MUC22: variants seen among roughly 807,000 people sequenced by gnomAD.
MUC22 encodes the protein mucin 22.
A neutral mutation model predicts 40.3 loss-of-function variants in MUC22; 24 were observed. The ratio of observed to expected loss-of-function variants is 0.60; its 90% CI spans 0.43 to 0.84. MUC22 has a LOEUF of 0.84. Ranked by LOEUF, MUC22 falls within the 40% of genes least tolerant of loss-of-function variation. The pLI, the probability that MUC22 is intolerant of heterozygous loss-of-function variation, is 0.00. For synonymous variants in MUC22, 765 were observed against 844.5 expected (o/e 0.91, Z 1.63); for missense variants, 1,926 against 2,130.7 (o/e 0.90, Z 1.89).
At chr6:31,015,733 G>T (rs937359707) in intron 1 of MUC22, among the ~76,000 whole-genome samples, 8 of 152,160 alleles carry the variant, frequency 5.3e-5, no homozygotes, top group African/African-American at 1.7e-4. Flanking sequence ...TTTTATTCTG[G>T]AGGATTTCAG....
chr6:31,007,501 C>CT (rs9281097), upstream of MUC22, among the ~76,000 whole-genome samples: 22,477 of 152,100 alleles, frequency 0.15, 1,740 homozygotes, highest in Admixed American at 0.2. This position sits in a 1 kb window ranked among gnomAD's most constrained non-coding sequence, Gnocchi z 4.0. Flanking sequence ...GAAAATAACT[C>CT]TACTTGAATT....
intron 1 of MUC22, among the ~76,000 whole-genome samples, chr6:31,019,500 C>A (rs916041013): frequency 6.6e-6 from 1 of 152,198 alleles, no homozygotes; most frequent in African/African-American, 2.4e-5. Context: ...TGAGGCAGAG[C>A]AAAGCAGATA....
chr6:31,024,083 C>T (rs1765081976), intron 1 of MUC22, among the ~76,000 whole-genome samples: 1 of 152,086 alleles, frequency 6.6e-6, no homozygotes, highest in Admixed American at 6.5e-5. Flanking sequence ...TGAAACATTA[C>T]AAAAACTCAG....
rs3084519 is a variant in MUC22, at chr6:31,020,441, C to CTTTTTTTTTTTT, written c.71-5053_71-5042dup. Among the ~76,000 whole-genome samples, 15 of 126,700 alleles carry CTTTTTTTTTTTT rather than the reference C, an allele frequency of 1.2e-4. No homozygotes were observed. In the East Asian group the frequency reaches 1.5e-3, roughly 13 times the overall value. 83.1% of individuals were successfully genotyped at this position (126,700 alleles called of 152,430 possible). A position where few individuals can be genotyped will look rare whatever the true frequency, so the allele number is the denominator to read the frequency against. ...GAAGACCTTGCCTCCTGGAAATTGA[C>CTTTTTTTTTTTT]TTTTTTTTTTTTTTTTTTTGATACG... On this transcript the variant is annotated intron_variant, in intron 1 of 3. Coordinates refer to ENST00000561890, the Ensembl canonical transcript of MUC22.
At chr6:31,010,368 G>A (rs1763781792), upstream of MUC22, 2 of 270,746 alleles carry the variant, frequency 7.4e-6, no homozygotes, top group Non-Finnish European at 7.1e-6. Flanking sequence ...AAACGGCCCT[G>A]CAGAAAGCAC....
At position 31,026,009 on chromosome 6, in the gene MUC22, C is replaced by T. The variant is rs1045641498; in HGVS notation, c.578C>T (p.Ser193Phe). The T allele has an allele frequency of 5.9e-6, 9 of 1,530,900 alleles. No homozygotes were observed. The African/African-American group carries it at 9.6e-5, about 16-fold the overall frequency. 94.8% of individuals were successfully genotyped at this position (1,530,900 alleles called of 1,614,324 possible). The change falls in exon 2 of 4, where the codon TCT becomes TTT. Residue 193 changes from serine to phenylalanine, a missense_variant. Ser to Phe is a radical substitution (Grantham distance 155). This residue lies in a region of MUC22 where 1,281 missense variants were observed against 1,337.8 expected (regional missense o/e 0.96). Coordinates refer to ENST00000561890, the Ensembl canonical transcript of MUC22. Reference sequence around the variant, plus strand: ...ACTGCCACAGTCTCTACCACAGGCTCTGAGACCACCACCACCTCCACTGCA... The same window carrying T: ...ACTGCCACAGTCTCTACCACAGGCTTTGAGACCACCACCACCTCCACTGCA...
exon 2 of MUC22, chr6:31,026,036 G>A (rs62399429): frequency 0.15 from 226,775 of 1,533,044 alleles, 18,141 homozygotes; most frequent in Admixed American, 0.17. Context: ...TCCACTGCAA[G>A]CTCTGAGGCC....
At chr6:31,010,885 T>C in intron 1 of MUC22, 109 bp downstream of exon 1, 1 of 595,278 alleles carries the variant, frequency 1.7e-6, no homozygotes, top group Non-Finnish European at 2.9e-6. Context: ...GAAACAATGA[T>C]GATTCATTTT....
At chr6:31,029,773 G>A (rs532123381) in exon 2 of MUC22, 1 of 1,534,594 alleles carries the variant, frequency 6.5e-7, no homozygotes, top group Middle Eastern at 1.7e-4. Flanking sequence ...GACCACCACA[G>A]CCTCCACTGC....
exon 2 of MUC22, chr6:31,025,747 G>A: frequency 6.5e-7 from 1 of 1,528,766 alleles, no homozygotes. Context: ...GACTACTATA[G>A]CCTCCACTAG....
intron 1 of MUC22, among the ~76,000 whole-genome samples, chr6:31,022,508 AT>A (rs1462961029): frequency 6.6e-6 from 1 of 151,926 alleles, no homozygotes; most frequent in Admixed American, 6.6e-5. Context: ...ATTTAGATCT[AT>A]GCAAAAAAGA....
intron 1 of MUC22, among the ~76,000 whole-genome samples, chr6:31,016,332 A>G (rs1344542345): frequency 2.0e-5 from 3 of 152,166 alleles, no homozygotes; most frequent in Admixed American, 1.3e-4. Flanking sequence ...GTGAGGCACT[A>G]ATATGATGCC....
rs980937063 is a variant in MUC22 at position 31,011,500 on chromosome 6, C to A, written c.70+724C>A. 6.6e-6 allele frequency among the ~76,000 whole-genome samples: 1 copy of A among 152,210 alleles called. No individual in the cohort carries two copies. The highest frequency in any genetic ancestry group is 6.5e-5 in the Admixed American group (1 of 15,288). ...TTAGAATAATAGTCTACAGTCTCAT[C>A]CAGGTCACTGCAAATGCCATTAATT... On this transcript the variant is annotated intron_variant, in intron 1 of 3. Coordinates refer to ENST00000561890, the Ensembl canonical transcript of MUC22. This position sits in a 1 kb window ranked among gnomAD's most constrained non-coding sequence, Gnocchi z 4.5.
intron 2 of MUC22, among the ~76,000 whole-genome samples, chr6:31,030,378 G>A (rs12110477): frequency 0.05 from 7,612 of 152,180 alleles, 402 homozygotes; most frequent in African/African-American, 0.13. Context: ...TTAGCTGGGC[G>A]TGGTGGCGGG....
exon 2 of MUC22, chr6:31,029,227 A>G: frequency 6.5e-7 from 1 of 1,535,546 alleles, no homozygotes; most frequent in South Asian, 1.2e-5. Flanking sequence ...CTCTGAGACC[A>G]CCACAGTCTC....
exon 2 of MUC22, chr6:31,025,727 C>T: frequency 6.5e-7 from 1 of 1,529,358 alleles, no homozygotes; most frequent in African/African-American, 1.4e-5. Context: ...GCCTCCACCA[C>T]AGACTCAGGG....
At position 31,025,585 on chromosome 6, in the gene MUC22, A is replaced by G. The variant is rs752906792; in HGVS notation, c.154A>G (p.Thr52Ala). 3.3e-6 allele frequency: 5 copies of G among 1,523,918 alleles called. No individual in the cohort carries two copies. The African/African-American group carries it at 6.9e-5, about 21-fold the overall frequency. 94.4% of individuals were successfully genotyped at this position (1,523,918 alleles called of 1,614,324 possible). ...AGGCTCTGAGACCACCATGGCCTCC[A>G]CCATGGCCTCTACTTCGGCCTTAAC... The change falls in exon 2 of 4, where the codon ACC becomes GCC. Residue 52 changes from threonine to alanine, a missense_variant. Transcript: ENST00000561890.
chr6:31,033,166 A>G (rs1208161132), intron 3 of MUC22, among the ~76,000 whole-genome samples: 2 of 152,000 alleles, frequency 1.3e-5, no homozygotes, highest in Non-Finnish European at 2.9e-5. Context: ...TCCTGTCTCG[A>G]AAGGAAGGAA....
At chr6:31,020,998 C>T (rs1417053679) in intron 1 of MUC22, among the ~76,000 whole-genome samples, 2 of 151,946 alleles carry the variant, frequency 1.3e-5, no homozygotes, top group South Asian at 2.1e-4. Flanking sequence ...ATGCCTGAGC[C>T]TCCCACCCCC....
Sources: gnomAD v4.1 joint callset for allele counts (sites outside exome capture counted in the v4.1 genomes callset) on GRCh38, gnomAD v4.1.1 for gene constraint, gnomAD v4.1.1 regional missense constraint, Gnocchi (gnomAD v3.1) non-coding constraint, MANE v1.5 for transcripts, NCBI Gene and HGNC (gene_info 2026-07-23, HGNC 2026-07-21) for gene names.